The following CDKN2B-AS1 variants were observed in gnomAD, a reference collection of about 807,000 sequenced individuals.
CDKN2B-AS1 encodes the protein CDKN2B and CDKN2A antisense cis and trans regulatory RNA 1, also known as CDKN2B antisense RNA 1 (non-protein coding).
At chr9:22,085,162 A>G (rs1824825669) in intron 4 of CDKN2B-AS1, among the ~76,000 whole-genome samples, 1 of 152,248 alleles carries the variant, frequency 6.6e-6, no homozygotes, top group African/African-American at 2.4e-5. Context: ...ACTTCTTTAT[A>G]CATTTCCAAT....
Position 22,007,936 on chromosome 9 carries a change from T to C in CDKN2B-AS1, n.29+12775T>C, listed in dbSNP as rs190569642. Among the ~76,000 whole-genome samples, 95 of 152,310 alleles carry C rather than the reference T, an allele frequency of 6.2e-4. 3 individuals are homozygous for C. The East Asian group carries it at 0.017, about 27-fold the overall frequency. On this transcript the variant is annotated intron_variant and non_coding_transcript_variant, in intron 1 of 4. Transcript: ENST00000650946. Reference sequence around the variant, plus strand: ...TTTAAAATCTATACTATTAACAAGATCCCTTAATATTAGCTTAGTTTTAGA... The same window carrying C: ...TTTAAAATCTATACTATTAACAAGACCCCTTAATATTAGCTTAGTTTTAGA...
chr9:22,057,344 C>T (rs1823613528), intron 4 of CDKN2B-AS1, among the ~76,000 whole-genome samples: 1 of 152,048 alleles, frequency 6.6e-6, no homozygotes, highest in Non-Finnish European at 1.5e-5. Context: ...TCCTGTATAT[C>T]TATTATATAG....
chr9:22,106,127 G>A (rs375561078), intron 4 of CDKN2B-AS1, among the ~76,000 whole-genome samples: 30 of 152,182 alleles, frequency 2.0e-4, no homozygotes, highest in African/African-American at 6.3e-4. Context: ...CTGTCACCCA[G>A]GCTGGAGTGC....
chr9:22,066,028 C>A (rs545227744), intron 4 of CDKN2B-AS1, among the ~76,000 whole-genome samples: 1 of 152,048 alleles, frequency 6.6e-6, no homozygotes, highest in Non-Finnish European at 1.5e-5. Context: ...CCTTCATGTT[C>A]CCCTGGAAGG....
rs149631408 is a variant in CDKN2B-AS1, at chr9:22,055,099, T to C, written n.303-1153T>C. Among the ~76,000 whole-genome samples the C allele has an allele frequency of 6.7e-3, 1,025 of 152,332 alleles. 13 individuals carry two copies. Among genetic ancestry groups the C allele is most frequent in the African/African-American group, 0.024 (980 of 41,576 alleles). ...AAATTCATATTTGTTATTTATCAGA[T>C]GCCTCTGCCACTTTATTTTTTAAAA... On this transcript the variant is annotated intron_variant and non_coding_transcript_variant, in intron 3 of 4. Coordinates refer to ENST00000650946, the Ensembl canonical transcript of CDKN2B-AS1.
At chr9:22,126,788 G>A (rs1415878799) in intron 4 of CDKN2B-AS1, among the ~76,000 whole-genome samples, 1 of 152,078 alleles carries the variant, frequency 6.6e-6, no homozygotes, top group Non-Finnish European at 1.5e-5. Flanking sequence ...TAGCCAGGAT[G>A]GCCTGGATCT....
intron 1 of CDKN2B-AS1, chr9:22,046,480 A>G (rs1407584425): frequency 6.6e-6 from 1 of 152,124 alleles, no homozygotes; most frequent in Non-Finnish European, 1.5e-5. Context: ...GTGTATAGAT[A>G]GTTGTTTGAA....
intron 4 of CDKN2B-AS1, among the ~76,000 whole-genome samples, chr9:22,061,204 C>T (rs1449956312): frequency 6.6e-6 from 1 of 152,172 alleles, no homozygotes; most frequent in Admixed American, 6.5e-5. Flanking sequence ...ACCATCACAG[C>T]TGGAAGTTCT....
intron 1 of CDKN2B-AS1, among the ~76,000 whole-genome samples, chr9:22,020,349 T>G (rs1821964776): frequency 6.6e-6 from 1 of 152,252 alleles, no homozygotes; most frequent in Non-Finnish European, 1.5e-5. Context: ...CACATGCAAG[T>G]GTCTTCATAA....
chr9:22,055,127 T>G (rs1331093483), intron 3 of CDKN2B-AS1, among the ~76,000 whole-genome samples: 1 of 152,228 alleles, frequency 6.6e-6, no homozygotes, highest in Non-Finnish European at 1.5e-5. Context: ...TTTTAAAAAT[T>G]TATTTTTATT....
intron 3 of CDKN2B-AS1, among the ~76,000 whole-genome samples, chr9:22,053,849 G>C (rs1040909472): frequency 6.6e-6 from 1 of 151,930 alleles, no homozygotes; most frequent in East Asian, 1.9e-4. Context: ...CTAGCTAATT[G>C]TTACAGCCAT....
intron 3 of CDKN2B-AS1, among the ~76,000 whole-genome samples, chr9:22,054,070 C>T (rs1823460696): frequency 6.6e-6 from 1 of 152,166 alleles, no homozygotes; most frequent in Non-Finnish European, 1.5e-5. Context: ...ATAACCTTAG[C>T]TAGCATTTCT....
chr9:22,066,253 A>G (rs1466344661), intron 4 of CDKN2B-AS1: 1 of 151,848 alleles, frequency 6.6e-6, no homozygotes, highest in Non-Finnish European at 1.5e-5. Flanking sequence ...TCACTCTGTC[A>G]CCCAGGCTGG....
intron 4 of CDKN2B-AS1, chr9:22,111,982 GT>G (rs1825816103): frequency 6.6e-6 from 1 of 152,198 alleles, no homozygotes; most frequent in South Asian, 2.1e-4. Flanking sequence ...TAAATCACAA[GT>G]GTCCTGGAGA....
intron 1 of CDKN2B-AS1, chr9:22,046,681 CT>C (rs1362590061): frequency 1.3e-5 from 2 of 152,088 alleles, no homozygotes; most frequent in East Asian, 3.9e-4. Flanking sequence ...TAGGAAATAT[CT>C]GCTGTGTTTA....
intron 4 of CDKN2B-AS1, among the ~76,000 whole-genome samples, chr9:22,068,478 G>A (rs1486976021): frequency 2.0e-5 from 3 of 152,216 alleles, no homozygotes; most frequent in African/African-American, 7.2e-5. Context: ...AGAATGTCCC[G>A]GCAGATGAGA....
chr9:22,097,770 G>A (rs1010942165), intron 4 of CDKN2B-AS1, among the ~76,000 whole-genome samples: 9 of 152,186 alleles, frequency 5.9e-5, no homozygotes, highest in Non-Finnish European at 1.2e-4. Context: ...GCATGTTTGT[G>A]CTTTCTGCTG....
intron 4 of CDKN2B-AS1, among the ~76,000 whole-genome samples, chr9:22,108,338 G>C (rs1048767995): frequency 6.6e-6 from 1 of 152,194 alleles, no homozygotes; most frequent in Non-Finnish European, 1.5e-5. Context: ...CGAGAAGGGA[G>C]TATTACTCTA....
intron 4 of CDKN2B-AS1, among the ~76,000 whole-genome samples, chr9:22,125,974 C>T (rs1367247670): frequency 6.6e-6 from 1 of 152,012 alleles, no homozygotes; most frequent in African/African-American, 2.4e-5. Flanking sequence ...AAAGAAAATT[C>T]AGAAAAAACT....
Sources: allele counts gnomAD v4.1 joint callset (sites outside exome capture counted in the v4.1 genomes callset), GRCh38; gene constraint gnomAD v4.1.1; transcripts MANE v1.5; gene names NCBI Gene and HGNC (gene_info 2026-07-23, HGNC 2026-07-21).